Variants in NBAS observed in about 807,000 individuals in gnomAD.
NBAS encodes NBAS subunit of NRZ tethering complex.
Under a neutral mutation model 302.5 loss-of-function variants are expected in NBAS, and 219 were observed. The ratio of observed to expected loss-of-function variants is 0.72; its 90% CI spans 0.65 to 0.81. The LOEUF is 0.81. NBAS is among the 30% of genes least tolerant of loss of function. The probability of loss-of-function intolerance (pLI) is 0.00; values close to 1 mark genes in which losing one functional copy is unlikely to be tolerated. For synonymous variants in NBAS, 1,118 were observed against 1,021.6 expected (o/e 1.09, Z -1.80); for missense variants, 2,932 against 2,841.6 (o/e 1.03, Z -0.72).
At chr2:14,877,652 A>C in the NBAS span, among the ~76,000 whole-genome samples, 1 of 152,022 alleles carries the variant, frequency 6.6e-6, no homozygotes, top group Non-Finnish European at 1.5e-5. Flanking sequence ...TTTTTAATGC[A>C]TTCGCTCAAA....
chr2:14,893,471 T>C, the NBAS span, among the ~76,000 whole-genome samples: 5,779 of 152,308 alleles, frequency 0.038, 141 homozygotes, highest in Non-Finnish European at 0.051. Flanking sequence ...ATAAAACAAA[T>C]ATGTTTGCAG....
intron 28 of NBAS, among the ~76,000 whole-genome samples, chr2:15,391,302 T>C (rs1675588512): frequency 3.3e-5 from 5 of 151,994 alleles, no homozygotes; most frequent in Non-Finnish European, 1.5e-5. Flanking sequence ...AAATGTATTA[T>C]CACTGTTTAA....
chr2:14,987,761 A>G, the NBAS span, among the ~76,000 whole-genome samples: 2 of 152,082 alleles, frequency 1.3e-5, no homozygotes, highest in Non-Finnish European at 2.9e-5. Context: ...CCTCACAAAG[A>G]TTTTCTCTTA....
At position 15,488,981 on chromosome 2, in the gene NBAS, G is replaced by C; in HGVS notation, c.996C>G (p.Leu332=). 6.2e-7 allele frequency: 1 copy of C among 1,613,794 alleles called. No homozygotes were observed. Among genetic ancestry groups the C allele is most frequent in the Non-Finnish European group, 8.5e-7 (1 of 1,179,816 alleles). Residue 332 remains leucine (L), a synonymous_variant, in exon 12 of 52, where the codon CTC becomes CTG. Coordinates refer to ENST00000281513, the MANE Select transcript of NBAS (RefSeq NM_015909.4). ...TCCCTGAGAAGTGAATGGCTGCCAG[G>C]AGCATCCCATCTGGAGAAAGGCTCA... The part of the protein sequence containing the change: ...FKMSLSPDGM[L]LAAIHFSGKL...
chr2:15,490,006 A>C (rs1680787991), intron 11 of NBAS, among the ~76,000 whole-genome samples: 1 of 152,208 alleles, frequency 6.6e-6, no homozygotes, highest in South Asian at 2.1e-4. Flanking sequence ...CCCAGATGAC[A>C]ACAGAACTTG....
At chr2:15,312,648 A>G (rs1345962621) in intron 38 of NBAS, among the ~76,000 whole-genome samples, 2 of 152,210 alleles carry the variant, frequency 1.3e-5, no homozygotes, top group Non-Finnish European at 2.9e-5. Context: ...CCATCTCATA[A>G]GACTGGCCTT....
At chr2:14,994,842 C>G in the NBAS span, among the ~76,000 whole-genome samples, 3 of 152,224 alleles carry the variant, frequency 2.0e-5, no homozygotes, top group African/African-American at 7.2e-5. Flanking sequence ...CCTAGCATCA[C>G]TATAGGTATC....
chr2:14,937,752 G>T, the NBAS span, among the ~76,000 whole-genome samples: 1 of 152,094 alleles, frequency 6.6e-6, no homozygotes, highest in Non-Finnish European at 1.5e-5. Context: ...TTGGAAAATG[G>T]TCCTGCACCA....
At chr2:15,280,908 A>G (rs1669796175) in intron 42 of NBAS, among the ~76,000 whole-genome samples, 2 of 152,224 alleles carry the variant, frequency 1.3e-5, no homozygotes, top group African/African-American at 4.8e-5. Flanking sequence ...TTGATGTAGC[A>G]GACTTGATCT....
At chr2:15,480,331 A>T (rs1358208913) in intron 12 of NBAS, among the ~76,000 whole-genome samples, 4 of 151,444 alleles carry the variant, frequency 2.6e-5, no homozygotes, top group Non-Finnish European at 4.4e-5. Context: ...ACAAAGCAAC[A>T]CTCTATCTCT....
At chr2:14,787,905 C>T in the NBAS span, among the ~76,000 whole-genome samples, 3 of 152,314 alleles carry the variant, frequency 2.0e-5, no homozygotes, top group Middle Eastern at 3.4e-3. Context: ...TGGATAACAT[C>T]CTGCAGAGTG....
chr2:14,979,181 C>G, the NBAS span, among the ~76,000 whole-genome samples: 1 of 152,068 alleles, frequency 6.6e-6, no homozygotes, highest in Non-Finnish European at 1.5e-5. Context: ...TAAAATATTG[C>G]CCTGATATTG....
chr2:15,521,058 A>G (rs948923247), intron 9 of NBAS, among the ~76,000 whole-genome samples: 3 of 152,260 alleles, frequency 2.0e-5, no homozygotes, highest in African/African-American at 7.2e-5. Flanking sequence ...AGTCAATTCA[A>G]TGTCAATTCA....
chr2:15,170,551 T>C (rs1038981876), intron 51 of NBAS, among the ~76,000 whole-genome samples: 2 of 152,204 alleles, frequency 1.3e-5, no homozygotes, highest in Non-Finnish European at 2.9e-5. Context: ...GGAGGAATTT[T>C]GGGTTTGGCT....
the NBAS span, among the ~76,000 whole-genome samples, chr2:14,855,084 C>G: frequency 6.6e-6 from 1 of 151,978 alleles, no homozygotes; most frequent in Non-Finnish European, 1.5e-5. Flanking sequence ...TACACCCCAG[C>G]CACAGCATGA....
At chr2:15,292,810 A>C in intron 40 of NBAS, 44 bp from the exon 41 acceptor site, 1 of 1,566,810 alleles carries the variant, frequency 6.4e-7, no homozygotes. Flanking sequence ...AACATCATAC[A>C]AACACGAGCA....
the NBAS span, among the ~76,000 whole-genome samples, chr2:15,147,467 C>T: frequency 4.1e-4 from 62 of 152,132 alleles, no homozygotes; most frequent in Middle Eastern, 3.4e-3. Flanking sequence ...CTGGCGCATG[C>T]CTGTAATCCC....
intron 5 of NBAS, among the ~76,000 whole-genome samples, chr2:15,552,398 C>CT (rs1573006588): frequency 6.6e-6 from 1 of 152,170 alleles, no homozygotes; most frequent in East Asian, 1.9e-4. Context: ...CTCTACCACT[C>CT]TGAGATGGCA....
Position 15,394,371 on chromosome 2 carries a change from T to C in NBAS, c.3135-22A>G, listed in dbSNP as rs747122351. On this transcript the variant is annotated intron_variant, in intron 27 of 51. Transcript: ENST00000281513. ...CACACTATAAGTGAAAAAAGAATTA[T>C]TTAATGTCTTGCTACCAAACAAAAA... is the stretch of plus-strand genomic sequence containing the variant. 3 of 1,611,104 alleles carry C rather than the reference T, an allele frequency of 1.9e-6. No individual in the cohort carries two copies. In the South Asian group the frequency reaches 3.3e-5, roughly 18 times the overall value.
Sources: allele counts gnomAD v4.1 joint callset (sites outside exome capture counted in the v4.1 genomes callset), GRCh38; gene constraint gnomAD v4.1.1; transcripts MANE v1.5; gene names NCBI Gene and HGNC (gene_info 2026-07-23, HGNC 2026-07-21).